Variants in ERBIN observed in about 807,000 individuals in gnomAD.
ERBIN encodes the protein densin-180-like protein.
In ERBIN, 60 loss-of-function variants were observed where a neutral mutation model predicts 158.4. The observed-to-expected ratio is 0.38, with a 90% CI of 0.31 to 0.47. The LOEUF (loss-of-function observed/expected upper bound fraction) is 0.47, where lower values mean the gene tolerates loss of function less well. ERBIN is among the 20% of genes least tolerant of loss of function. The pLI is 0.99. For missense variants in ERBIN, 1,610 were observed against 1,648.0 expected, an observed-to-expected ratio of 0.98 and a Z score of 0.40; for synonymous variants, 594 against 557.2, an observed-to-expected ratio of 1.07 and a Z score of -0.93.
At chr5:65,952,732 T>A (rs1746660777) in intron 1 of ERBIN, among the ~76,000 whole-genome samples, 1 of 152,208 alleles carries the variant, frequency 6.6e-6, no homozygotes, top group South Asian at 2.1e-4. Context: ...TAATTTGTCT[T>A]AATTTGAAAC....
intron 14 of ERBIN, among the ~76,000 whole-genome samples, chr5:66,029,696 C>G (rs1218467476): frequency 6.6e-6 from 1 of 152,190 alleles, no homozygotes; most frequent in Non-Finnish European, 1.5e-5. Context: ...CCTCCACCTC[C>G]TGGGTTCAAG....
chr5:66,000,971 A>G (rs1292940593), intron 4 of ERBIN, among the ~76,000 whole-genome samples: 1 of 152,136 alleles, frequency 6.6e-6, no homozygotes, highest in African/African-American at 2.4e-5. Context: ...TGTAGTATTC[A>G]ACCCTAATAT....
chr5:65,937,910 AAAT>A (rs1018591833), intron 1 of ERBIN, among the ~76,000 whole-genome samples: 110 of 152,088 alleles, frequency 7.2e-4, no homozygotes, highest in African/African-American at 2.6e-3. Flanking sequence ...TCCCATCTCA[AAAT>A]AATAATAATA....
In ERBIN at chr5:65,939,179, C is replaced by T. The variant is rs367993775; in HGVS notation, c.-58+12373C>T. On this transcript the variant is annotated intron_variant, in intron 1 of 25. Transcript: ENST00000284037. Reference sequence around the variant, plus strand: ...AATAGCCAGGCATGGTGGCTCACACCTGTAATCCCAGCACTTTGGGAGGCT... The same window carrying T: ...AATAGCCAGGCATGGTGGCTCACACTTGTAATCCCAGCACTTTGGGAGGCT... 1.4e-4 allele frequency among the ~76,000 whole-genome samples: 22 copies of T among 152,214 alleles called. No individual in the cohort carries two copies. The East Asian group carries it at 2.7e-3, about 19-fold the overall frequency.
chr5:65,961,367 C>G (rs1196145556), intron 1 of ERBIN: 1 of 152,120 alleles, frequency 6.6e-6, no homozygotes, highest in East Asian at 1.9e-4. Flanking sequence ...TTATTTATAT[C>G]GTTTTCCCAT....
At chr5:65,951,551 T>C (rs1200196087) in intron 1 of ERBIN, among the ~76,000 whole-genome samples, 1 of 152,230 alleles carries the variant, frequency 6.6e-6, no homozygotes, top group Non-Finnish European at 1.5e-5. Flanking sequence ...GTAAATTCAG[T>C]AGGCTTAGTC....
chr5:66,022,305 A>C (rs1222581740), intron 8 of ERBIN, among the ~76,000 whole-genome samples: 1 of 152,136 alleles, frequency 6.6e-6, no homozygotes. Flanking sequence ...AATCTCGTTC[A>C]TTTTAAGAAT....
At chr5:65,986,973 T>G (rs1751299360) in intron 1 of ERBIN, among the ~76,000 whole-genome samples, 2 of 152,322 alleles carry the variant, frequency 1.3e-5, no homozygotes, top group Admixed American at 1.3e-4. Flanking sequence ...CCTTGTTGAC[T>G]TACGGTAATA....
intron 4 of ERBIN, among the ~76,000 whole-genome samples, chr5:66,003,154 T>C (rs896429623): frequency 1.3e-5 from 2 of 152,214 alleles, no homozygotes; most frequent in African/African-American, 4.8e-5. Flanking sequence ...TTTTATTCTG[T>C]AGTATGGTAA....
intron 6 of ERBIN, 133 bp from the exon 7 acceptor site, chr5:66,014,536 A>G: frequency 6.2e-6 from 3 of 480,322 alleles, no homozygotes; most frequent in Non-Finnish European, 1.1e-5. Flanking sequence ...TATGTTCTGT[A>G]ATTTTTAATA....
At chr5:65,963,814 G>A (rs1748211539) in intron 1 of ERBIN, among the ~76,000 whole-genome samples, 1 of 142,810 alleles carries the variant, frequency 7.0e-6, no homozygotes, top group South Asian at 2.2e-4. Flanking sequence ...TTTTGAGATG[G>A]AGTCTCGCTC....
intron 21 of ERBIN, 78 bp downstream of exon 21, chr5:66,055,029 T>C (rs1329924376): frequency 1.4e-6 from 2 of 1,445,064 alleles, no homozygotes; most frequent in African/African-American, 1.4e-5. Flanking sequence ...CAAGATTCTC[T>C]GAATTACTGA....
rs1361102512 is a variant in ERBIN at position 65,977,207 on chromosome 5, C to G, written c.-57-11428C>G. On this transcript the variant is annotated intron_variant, in intron 1 of 25. Coordinates refer to ENST00000284037, the MANE Select transcript of ERBIN (RefSeq NM_001253697.2). ...GCCGGGCGGGGGGCTGACCCCCCCC[C>G]ACCTCCCTCCCGGATGGGGCGGCTG... Among the ~76,000 whole-genome samples, 7 of 143,068 alleles carry G rather than the reference C, an allele frequency of 4.9e-5. No individual in the cohort carries two copies. In the South Asian group the frequency reaches 1.5e-3, roughly 31 times the overall value. The allele number at this position is 143,068 out of a possible 152,430, so 93.9% of individuals were successfully genotyped here. A position where few individuals can be genotyped will look rare whatever the true frequency, so the allele number is the denominator to read the frequency against.
intron 7 of ERBIN, among the ~76,000 whole-genome samples, chr5:66,020,987 T>C (rs1484474266): frequency 6.6e-6 from 1 of 151,940 alleles, no homozygotes; most frequent in African/African-American, 2.4e-5. Context: ...CTGCCAACAT[T>C]TATTAGCTGA....
Position 66,014,604 on chromosome 5 carries a change from A to G in ERBIN, c.477-65A>G. 4 of 773,904 alleles carry G rather than the reference A, an allele frequency of 5.2e-6. No homozygotes were observed. The South Asian group carries it at 7.3e-5, about 14-fold the overall frequency. 47.9% of individuals were successfully genotyped at this position (773,904 alleles called of 1,614,324 possible). Reference sequence around the variant, plus strand: ...ATTGCTTCCTTTAAAACATTAGAATATGAAATTAATTTATTAAATTCATTG... The same window carrying G: ...ATTGCTTCCTTTAAAACATTAGAATGTGAAATTAATTTATTAAATTCATTG... On this transcript the variant is annotated intron_variant, in intron 6 of 25. Coordinates refer to ENST00000284037, the MANE Select transcript of ERBIN (RefSeq NM_001253697.2).
chr5:65,996,645 A>T (rs1264436083), intron 4 of ERBIN, among the ~76,000 whole-genome samples: 1 of 151,726 alleles, frequency 6.6e-6, no homozygotes, highest in Non-Finnish European at 1.5e-5. Flanking sequence ...GAATCATAGG[A>T]TTTTTCTTTT....
intron 19 of ERBIN, among the ~76,000 whole-genome samples, chr5:66,049,374 C>G (rs150273632): frequency 1.4e-3 from 207 of 152,100 alleles, no homozygotes; most frequent in African/African-American, 4.6e-3. Flanking sequence ...AGCCGTTTGT[C>G]TTTATGGCAT....
intron 1 of ERBIN, among the ~76,000 whole-genome samples, chr5:65,968,367 G>C (rs547374330): frequency 4.1e-4 from 62 of 152,254 alleles, no homozygotes; most frequent in Middle Eastern, 3.4e-3. Context: ...CTTGTGTTCA[G>C]TGCCTTTCTT....
intron 21 of ERBIN, among the ~76,000 whole-genome samples, chr5:66,064,317 A>T (rs1760769983): frequency 6.6e-6 from 1 of 152,240 alleles, no homozygotes; most frequent in Admixed American, 6.5e-5. Flanking sequence ...ATTTGATAAT[A>T]AAGTATGAAT....
Sources: allele counts gnomAD v4.1 joint callset (sites outside exome capture counted in the v4.1 genomes callset), GRCh38; gene constraint gnomAD v4.1.1; transcripts MANE v1.5; gene names NCBI Gene and HGNC (gene_info 2026-07-23, HGNC 2026-07-21).